The following SLTM variants were observed in gnomAD, a reference collection of about 807,000 sequenced individuals.
SLTM encodes SAFB like transcription modulator, also known as SAFB-like transcription modulator.
SLTM carries 43 observed loss-of-function variants against 134.6 expected under a neutral mutation model. The ratio of observed to expected loss-of-function variants is 0.32; its 90% CI spans 0.25 to 0.41. SLTM has a LOEUF of 0.41. SLTM is among the 10% of genes least tolerant of loss of function. SLTM has a pLI of 1.00. For synonymous variants in SLTM, 424 were observed against 432.3 expected, an observed-to-expected ratio of 0.98 and a Z score of 0.24; for missense variants, 1,055 against 1,288.8, an observed-to-expected ratio of 0.82 and a Z score of 2.78.
chr15:58,899,845 C>G lies in SLTM; in HGVS notation c.682G>C (p.Glu228Gln). Residue 228 changes from glutamate (E) to glutamine (Q), a missense_variant, in exon 7 of 21, where the codon GAG becomes CAG. Physicochemically the swap from Glu to Gln is conservative, Grantham distance 29 (BLOSUM62 2). This residue lies in a region of SLTM where 268 missense variants were observed against 284.3 expected (regional missense o/e 0.94). Coordinates refer to ENST00000380516, the MANE Select transcript of SLTM (RefSeq NM_024755.4). The surrounding 1 kb of genome is among the most constrained non-coding windows in gnomAD (Gnocchi z 5.0). Reference sequence around the variant, plus strand: ...TTCACAGTCGTATGAGCTTCCATCTCTTCATGAGCTGTGTGATCAGCCTCA... The same window carrying G: ...TTCACAGTCGTATGAGCTTCCATCTGTTCATGAGCTGTGTGATCAGCCTCA... ...LAEADHTAHEEMEAHTTVKEA... is the reference protein window; with the variant it reads ...LAEADHTAHEQMEAHTTVKEA... The G allele has an allele frequency of 6.2e-7, 1 of 1,614,152 alleles. No homozygotes were observed. The highest frequency in any genetic ancestry group is 8.5e-7 in the Non-Finnish European group (1 of 1,180,016).
chr15:58,921,505 T>C (rs2037042873), intron 2 of SLTM: 1 of 367,824 alleles, frequency 2.7e-6, no homozygotes, highest in Non-Finnish European at 5.7e-6. Context: ...GTAAAAATGG[T>C]CTAACTTTGC....
chr15:58,933,112 G>A (rs1219647516), intron 1 of SLTM, among the ~76,000 whole-genome samples: 1 of 152,088 alleles, frequency 6.6e-6, no homozygotes, highest in Non-Finnish European at 1.5e-5. Context: ...GGGAGGCCGC[G>A]CCGGCCGGCC....
chr15:58,891,062 A>G (rs2034611173), intron 14 of SLTM, among the ~76,000 whole-genome samples: 1 of 152,200 alleles, frequency 6.6e-6, no homozygotes, highest in South Asian at 2.1e-4. Flanking sequence ...TTGTTATTGT[A>G]TTAGACTTTT....
At chr15:58,916,190 T>A (rs565574155) in intron 3 of SLTM, among the ~76,000 whole-genome samples, 2 of 151,654 alleles carry the variant, frequency 1.3e-5, no homozygotes, top group South Asian at 4.2e-4. Context: ...TTTTTTTTTT[T>A]TTTGAGACGG....
chr15:58,932,175 T>C, intron 2 of SLTM, 181 bp downstream of exon 2: 1 of 549,378 alleles, frequency 1.8e-6, no homozygotes, highest in South Asian at 2.3e-5. Context: ...AGCCGAATCT[T>C]AAGGGCTACA....
At position 58,886,236 on chromosome 15, in the gene SLTM, T is replaced by A. The variant is rs1407934405; in HGVS notation, c.2835+739A>T. On this transcript the variant is annotated intron_variant, in intron 19 of 20. Coordinates refer to ENST00000380516, the MANE Select transcript of SLTM (RefSeq NM_024755.4). Reference sequence around the variant, plus strand: ...AAAGAAGAGTGTGTGTGTGTGTGTGTGTGTGTGTGTGTGTGTGTGTGTGTG... The same window carrying A: ...AAAGAAGAGTGTGTGTGTGTGTGTGAGTGTGTGTGTGTGTGTGTGTGTGTG... Among the ~76,000 whole-genome samples the A allele has an allele frequency of 2.8e-5, 4 of 142,094 alleles. No individual in the cohort carries two copies. In the East Asian group the frequency reaches 7.9e-4, roughly 28 times the overall value. The allele number at this position is 142,094 out of a possible 152,430, so 93.2% of individuals were successfully genotyped here.
rs553723908 is a variant in SLTM at position 58,908,377 on chromosome 15, T to C, written c.561+4186A>G. ...CATCCAGCCAGATTAAATTTTCTAC[T>C]GTTTTTTGAGATAGGGTCTTGCTCT... On this transcript the variant is annotated intron_variant, in intron 5 of 20. Coordinates refer to ENST00000380516, the MANE Select transcript of SLTM (RefSeq NM_024755.4). Among the ~76,000 whole-genome samples the C allele has an allele frequency of 2.0e-5, 3 of 152,176 alleles. No homozygotes were observed. In the East Asian group the frequency reaches 5.8e-4, roughly 29 times the overall value.
At chr15:58,896,046 ATAATG>A (rs1487684670) in intron 9 of SLTM, among the ~76,000 whole-genome samples, 4 of 152,228 alleles carry the variant, frequency 2.6e-5, no homozygotes, top group African/African-American at 4.8e-5. Flanking sequence ...ATGAAAAACT[ATAATG>A]TAAGTAGACA....
In SLTM at chr15:58,883,712, A is replaced by C. The variant is rs141886421; in HGVS notation, c.2910T>G (p.Gly970=). 59 of 1,613,998 alleles carry C rather than the reference A, an allele frequency of 3.7e-5. No individual in the cohort carries two copies. The African/African-American group carries it at 5.5e-4, about 15-fold the overall frequency. The change falls in exon 20 of 21, where the codon GGT becomes GGG. Residue 970 remains glycine (G), a synonymous_variant. Transcript: ENST00000380516. ...DTSGPRKEWH[G]PPSQGPSYHD... is the part of the protein sequence containing the mutation. ...GATAGCTAGGCCCTTGAGAGGGTGG[A>C]CCATGCCACTCTTTCCTTGGTCCGC...
At position 58,933,249 on chromosome 15, in the gene SLTM, C is replaced by T. The variant is rs1300284673; in HGVS notation, c.162+155G>A. ...GGGGGCACCGCGGAAGGGTCCCCGT[C>T]CTCCACGCTCGCGGGAGCCGCCCCT... On this transcript the variant is annotated intron_variant, in intron 1 of 20. Coordinates refer to ENST00000380516, the MANE Select transcript of SLTM (RefSeq NM_024755.4). Among the ~76,000 whole-genome samples the T allele has an allele frequency of 2.0e-5, 3 of 151,942 alleles. No individual in the cohort carries two copies. The East Asian group carries it at 5.8e-4, about 30-fold the overall frequency.
chr15:58,922,914 C>G (rs991898027), intron 2 of SLTM, among the ~76,000 whole-genome samples: 6 of 151,932 alleles, frequency 3.9e-5, no homozygotes, highest in African/African-American at 1.5e-4. Context: ...TGGGGTTTCA[C>G]CAAGTTGGCC....
intron 2 of SLTM, among the ~76,000 whole-genome samples, chr15:58,922,547 T>TACATATAAAATATATAC (rs1491193712): frequency 0.011 from 8 of 730 alleles, 1 homozygote; most frequent in Admixed American, 0.054. Flanking sequence ...ATATTTTATA[T>TACATATAAAATATATAC]GTATATAATA....
At chr15:58,883,546 C>T (rs1461478962) in intron 20 of SLTM, 80 bp downstream of exon 20, 2 of 1,561,670 alleles carry the variant, frequency 1.3e-6, no homozygotes, top group Admixed American at 3.4e-5. Context: ...GCAATTCAGT[C>T]TCTCAGAAAC....
intron 14 of SLTM, among the ~76,000 whole-genome samples, chr15:58,891,614 A>G (rs975344232): frequency 2.0e-5 from 3 of 152,184 alleles, no homozygotes; most frequent in African/African-American, 4.8e-5. Context: ...ATGACATACA[A>G]CGTCAGTCTG....
At position 58,887,210 on chromosome 15, in the gene SLTM, C is replaced by T. The variant is rs1276671195; in HGVS notation, c.2690+16G>A. ...GCATGAGACCACTAGGAAAGCATTA[C>T]ATAGTACACAGCTACCTTGTTTCCC... On this transcript the variant is annotated intron_variant, in intron 18 of 20. Coordinates refer to ENST00000380516, the MANE Select transcript of SLTM (RefSeq NM_024755.4). 1.2e-6 allele frequency: 2 copies of T among 1,612,964 alleles called. No homozygotes were observed. Among genetic ancestry groups the T allele is most frequent in the Non-Finnish European group, 1.7e-6 (2 of 1,179,310 alleles).
At chr15:58,910,403 A>G (rs989370605) in intron 5 of SLTM, among the ~76,000 whole-genome samples, 1 of 152,236 alleles carries the variant, frequency 6.6e-6, no homozygotes, top group Non-Finnish European at 1.5e-5. Context: ...GAAAGAGGAA[A>G]AAGGTCATTT....
rs1222689453 is a variant in SLTM at position 58,879,935 on chromosome 15, A to T, written c.*64T>A. On this transcript the variant is annotated 3_prime_UTR_variant, in exon 21 of 21. Transcript: ENST00000380516. The stretch of plus-strand genomic sequence containing the variant: ...CAAGTCAGAGGTCCTCTTCATAAGT[A>T]GTCAAGTAAAGTTTACAGGAGATTT... 4 of 1,568,948 alleles carry T rather than the reference A, an allele frequency of 2.5e-6. No individual in the cohort carries two copies. The highest frequency in any genetic ancestry group is 3.5e-6 in the Non-Finnish European group (4 of 1,154,008).
intron 3 of SLTM, among the ~76,000 whole-genome samples, chr15:58,914,762 T>C (rs928626510): frequency 2.0e-5 from 3 of 152,220 alleles, no homozygotes; most frequent in Non-Finnish European, 2.9e-5. Context: ...TAGGTGATAT[T>C]TACCAACCAT....
At chr15:58,926,799 A>T (rs2037503385) in intron 2 of SLTM, among the ~76,000 whole-genome samples, 1 of 151,972 alleles carries the variant, frequency 6.6e-6, no homozygotes, top group Non-Finnish European at 1.5e-5. Context: ...TTTTTAGTAG[A>T]GAGGGGGTTT....
Sources: allele counts gnomAD v4.1 joint callset (sites outside exome capture counted in the v4.1 genomes callset), GRCh38; gene constraint gnomAD v4.1.1; regional missense constraint gnomAD v4.1.1; non-coding constraint Gnocchi (gnomAD v3.1); transcripts MANE v1.5; gene names NCBI Gene and HGNC (gene_info 2026-07-23, HGNC 2026-07-21).